The following LRRN2 variants were observed in gnomAD, a reference collection of about 807,000 sequenced individuals.
LRRN2 encodes the protein leucine-rich repeat neuronal protein 2.
A neutral mutation model predicts 35.7 loss-of-function variants in LRRN2; 10 were observed. The ratio of observed to expected loss-of-function variants is 0.28; its 90% CI spans 0.17 to 0.47. LRRN2 has a LOEUF of 0.47. Ranked by LOEUF, LRRN2 falls within the 20% of genes least tolerant of loss-of-function variation. The pLI, the probability that LRRN2 is intolerant of heterozygous loss-of-function variation, is 0.99. For synonymous variants in LRRN2, 391 were observed against 409.6 expected (o/e 0.95, Z 0.55); for missense variants, 731 against 940.3 (o/e 0.78, Z 2.91).
In LRRN2 at chr1:204,657,628, G is replaced by A. The variant is rs72753881; in HGVS notation, c.-227+27692C>T. Among the ~76,000 whole-genome samples, 586 of 152,198 alleles carry A rather than the reference G, an allele frequency of 3.9e-3. 5 individuals carry two copies. The highest frequency in any genetic ancestry group is 6.8e-3 in the Middle Eastern group (2 of 294). ...GATGGGTATGGAGTTTTTTGGGGGC[G>A]ATAATGAGAATGTTTTAGAATTAGA... On this transcript the variant is annotated intron_variant, in intron 1 of 1. Coordinates refer to ENST00000367177, the MANE Select transcript of LRRN2 (RefSeq NM_201630.2).
chr1:204,651,891 C>G (rs1378890541), intron 1 of LRRN2, among the ~76,000 whole-genome samples: 1 of 152,202 alleles, frequency 6.6e-6, no homozygotes, highest in Non-Finnish European at 1.5e-5. Flanking sequence ...TTACCAGCCC[C>G]TGCCTGCCCT....
intron 1 of LRRN2, chr1:204,682,847 C>T (rs1179721640): frequency 6.6e-6 from 1 of 152,214 alleles, no homozygotes; most frequent in Non-Finnish European, 1.5e-5. Flanking sequence ...TGATAATTCA[C>T]TAGCATTGTT....
At position 204,677,853 on chromosome 1, in the gene LRRN2, A is replaced by G. The variant is rs144175857; in HGVS notation, c.-227+7467T>C. The stretch of plus-strand genomic sequence containing the variant: ...CTTTCCGTGTCTCTGGAAAGAGTAC[A>G]GGGGGCATTGGAAACCCAGGTGGGA... On this transcript the variant is annotated intron_variant, in intron 1 of 1. Transcript: ENST00000367177. 5.6e-3 allele frequency among the ~76,000 whole-genome samples: 855 copies of G among 152,252 alleles called. 5 individuals are homozygous for G. Among genetic ancestry groups the G allele is most frequent in the Non-Finnish European group, 9.2e-3 (627 of 68,006 alleles).
intron 1 of LRRN2, among the ~76,000 whole-genome samples, chr1:204,659,609 GGTGTGTGTGT>G (rs113175099): frequency 2.0e-5 from 3 of 148,066 alleles, no homozygotes; most frequent in Non-Finnish European, 3.0e-5. Flanking sequence ...TCTACCTTCA[GGTGTGTGTGT>G]GTGTGTGTGT....
rs1308095900 is a variant in LRRN2, at chr1:204,620,019, TC to T, written c.-28del. 1.3e-6 allele frequency: 2 copies of T among 1,587,940 alleles called. No homozygotes were observed. Among genetic ancestry groups the T allele is most frequent in the Non-Finnish European group, 1.7e-6 (2 of 1,168,394 alleles). ...GTGGAGCTGCAGGGCAGGGGACCAT[TC>T]ACAAGAAGAGTCTGGAGTCCTGCTC... On this transcript the variant is annotated 5_prime_UTR_variant, in exon 2 of 2. Transcript: ENST00000367177.
chr1:204,617,780 G>A lies in LRRN2; in HGVS notation c.*71C>T. On this transcript the variant is annotated 3_prime_UTR_variant, in exon 2 of 2. Coordinates refer to ENST00000367177, the MANE Select transcript of LRRN2 (RefSeq NM_201630.2). Reference sequence around the variant, plus strand: ...ATGTCCCTTTCCTGGCAGGGCATCTGGCCCAGACTGCTTCTCTTTTGGTAA... The same window carrying A: ...ATGTCCCTTTCCTGGCAGGGCATCTAGCCCAGACTGCTTCTCTTTTGGTAA... 1 of 1,545,496 alleles carries A rather than the reference G, an allele frequency of 6.5e-7. No homozygotes were observed. Among genetic ancestry groups the A allele is most frequent in the Non-Finnish European group, 8.9e-7 (1 of 1,122,624 alleles).
intron 1 of LRRN2, among the ~76,000 whole-genome samples, chr1:204,680,668 T>C (rs1301985615): frequency 1.3e-5 from 2 of 152,060 alleles, no homozygotes; most frequent in Non-Finnish European, 2.9e-5. Flanking sequence ...CCAAGACATG[T>C]GGGAATGTTC....
In LRRN2 at chr1:204,631,256, C is replaced by CAATATATATATATATATATATATATA. The variant is rs1282306008; in HGVS notation, c.-226-11039_-226-11038insTATATATATATATATATATATATATT. 1.6e-4 allele frequency among the ~76,000 whole-genome samples: 6 copies of CAATATATATATATATATATATATATA among 36,918 alleles called. 2 individuals are homozygous for CAATATATATATATATATATATATATA. The highest frequency in any genetic ancestry group is 3.0e-4 in the Non-Finnish European group (6 of 19,726). The allele number at this position is 36,918 out of a possible 152,430, so 24.2% of individuals were successfully genotyped here. A position where few individuals can be genotyped will look rare whatever the true frequency, so the allele number is the denominator to read the frequency against. ...CAAGAAGAGTGATACCTAGAGTGTT[C>CAATATATATATATATATATATATATA]TATATATATATATATATATATATAT... On this transcript the variant is annotated intron_variant, in intron 1 of 1. Coordinates refer to ENST00000367177, the MANE Select transcript of LRRN2 (RefSeq NM_201630.2).
intron 1 of LRRN2, chr1:204,633,018 C>T (rs991469304): frequency 1.3e-5 from 2 of 152,104 alleles, no homozygotes; most frequent in African/African-American, 4.8e-5. Flanking sequence ...GTATTGGAAA[C>T]TTATTCCCCA....
chr1:204,631,257 T>A (rs113251159), intron 1 of LRRN2, among the ~76,000 whole-genome samples: 16,380 of 28,284 alleles, frequency 0.58, 3,608 homozygotes, highest in East Asian at 0.7. Flanking sequence ...TAGAGTGTTC[T>A]ATATATATAT....
intron 1 of LRRN2, among the ~76,000 whole-genome samples, chr1:204,649,286 A>C (rs532971750): frequency 3.9e-5 from 6 of 152,316 alleles, no homozygotes; most frequent in African/African-American, 1.4e-4. Flanking sequence ...TCTGGGCTGA[A>C]CAGCCCCACA....
intron 1 of LRRN2, among the ~76,000 whole-genome samples, chr1:204,634,623 T>C (rs1667788286): frequency 6.6e-6 from 1 of 152,156 alleles, no homozygotes; most frequent in African/African-American, 2.4e-5. Flanking sequence ...GCTACAGCTG[T>C]GTGCCAAGGA....
intron 1 of LRRN2, among the ~76,000 whole-genome samples, chr1:204,674,782 A>C (rs1668787713): frequency 6.6e-6 from 1 of 152,180 alleles, no homozygotes; most frequent in Non-Finnish European, 1.5e-5. Flanking sequence ...AGATCTGAGC[A>C]ACCTGGGCTG....
intron 1 of LRRN2, among the ~76,000 whole-genome samples, chr1:204,660,573 ACACACACTCT>A (rs1558418880): frequency 7.1e-6 from 1 of 140,032 alleles, no homozygotes; most frequent in Non-Finnish European, 1.6e-5. Flanking sequence ...ACACACACAC[ACACACACTCT>A]CTCTCTCTCT....
chr1:204,644,416 G>A (rs1481737237), intron 1 of LRRN2, among the ~76,000 whole-genome samples: 2 of 151,944 alleles, frequency 1.3e-5, no homozygotes, highest in East Asian at 1.9e-4. Context: ...CAGCTCCCCC[G>A]ACAGCCCCAT....
chr1:204,659,660 C>G (rs1290470266), intron 1 of LRRN2, among the ~76,000 whole-genome samples: 3 of 151,670 alleles, frequency 2.0e-5, no homozygotes, highest in Non-Finnish European at 4.4e-5. Context: ...TCAAAAGTCA[C>G]TTGTGTTTGG....
At chr1:204,680,564 T>C (rs1260174804) in intron 1 of LRRN2, among the ~76,000 whole-genome samples, 2 of 152,040 alleles carry the variant, frequency 1.3e-5, no homozygotes, top group African/African-American at 4.8e-5. Context: ...CAGCTCTGGG[T>C]TTGGAGCAGA....
Position 204,620,046 on chromosome 1 carries a change from T to C in LRRN2, c.-54A>G. 4 of 1,547,662 alleles carry C rather than the reference T, an allele frequency of 2.6e-6. No homozygotes were observed. Among genetic ancestry groups the C allele is most frequent in the East Asian group, 2.3e-5 (1 of 42,834 alleles). ...ACAAGAAGAGTCTGGAGTCCTGCTC[T>C]TTGTGTTTTGCAGGGTAAGGGTCAG... On this transcript the variant is annotated 5_prime_UTR_variant, in exon 2 of 2. Transcript: ENST00000367177.
intron 1 of LRRN2, among the ~76,000 whole-genome samples, chr1:204,658,731 TG>T (rs953428129): frequency 6.6e-6 from 1 of 152,238 alleles, no homozygotes; most frequent in Admixed American, 6.5e-5. Context: ...TGGGAGCCTC[TG>T]GGTTTTTCTT....
Sources: gnomAD v4.1 joint callset for allele counts (sites outside exome capture counted in the v4.1 genomes callset) on GRCh38, gnomAD v4.1.1 for gene constraint, MANE v1.5 for transcripts, NCBI Gene and HGNC (gene_info 2026-07-23, HGNC 2026-07-21) for gene names.